CTNNA3: variants seen among roughly 807,000 people sequenced by gnomAD.
CTNNA3 encodes the protein catenin alpha 3, also known as catenin alpha-3.
CTNNA3 carries 76 observed loss-of-function variants against 95.7 expected under a neutral mutation model. The ratio of observed to expected loss-of-function variants is 0.79; its 90% CI spans 0.66 to 0.96. CTNNA3 has a LOEUF of 0.96. CTNNA3 is among the 40% of genes least tolerant of loss of function. CTNNA3 has a pLI of 0.00. For synonymous variants in CTNNA3, 431 were observed against 374.4 expected (o/e 1.15, Z -1.74); for missense variants, 1,191 against 1,089.8 (o/e 1.09, Z -1.31).
chr10:66,064,218 C>T (rs1321707542), intron 15 of CTNNA3, among the ~76,000 whole-genome samples: 6 of 152,086 alleles, frequency 3.9e-5, no homozygotes, highest in Non-Finnish European at 7.4e-5. Flanking sequence ...CCTGATAACT[C>T]GCTCACTATC....
At chr10:66,657,659 G>A (rs933826366) in intron 9 of CTNNA3, among the ~76,000 whole-genome samples, 12 of 152,226 alleles carry the variant, frequency 7.9e-5, no homozygotes, top group African/African-American at 2.6e-4. Flanking sequence ...GTAAACTACT[G>A]CATGTCTGCT....
chr10:66,273,044 C>T (rs1301809759), intron 13 of CTNNA3, among the ~76,000 whole-genome samples: 1 of 152,122 alleles, frequency 6.6e-6, no homozygotes. Context: ...TCTTTACAAC[C>T]CTACAGATAG....
chr10:66,733,253 CTCTT>C (rs1849021274), intron 9 of CTNNA3, among the ~76,000 whole-genome samples: 1 of 152,044 alleles, frequency 6.6e-6, no homozygotes, highest in South Asian at 2.1e-4. Flanking sequence ...CGAATTTCAT[CTCTT>C]TAACTCTCTT....
chr10:66,275,552 G>A (rs1421863715), intron 13 of CTNNA3, among the ~76,000 whole-genome samples: 1 of 152,192 alleles, frequency 6.6e-6, no homozygotes, highest in East Asian at 1.9e-4. Context: ...AGAAACTGAT[G>A]ACATCATGTA....
At chr10:67,548,151 C>CATGAGAT (rs1176447044) in intron 3 of CTNNA3, among the ~76,000 whole-genome samples, 1 of 152,086 alleles carries the variant, frequency 6.6e-6, no homozygotes, top group Non-Finnish European at 1.5e-5. Flanking sequence ...GCTCAGTTCC[C>CATGAGAT]ATGAGATCTA....
chr10:66,875,590 CA>C (rs1335871750), intron 7 of CTNNA3, among the ~76,000 whole-genome samples: 6 of 151,910 alleles, frequency 3.9e-5, no homozygotes, highest in Non-Finnish European at 7.4e-5. Flanking sequence ...ATTATTGGAC[CA>C]TATGGAAGGT....
chr10:67,310,529 G>A (rs375288616), intron 5 of CTNNA3, among the ~76,000 whole-genome samples: 17 of 152,202 alleles, frequency 1.1e-4, no homozygotes, highest in South Asian at 8.3e-4. Flanking sequence ...ATATTAGTCC[G>A]TTCTCATGCT....
chr10:67,082,319 A>G (rs944881358), intron 7 of CTNNA3, among the ~76,000 whole-genome samples: 2 of 152,212 alleles, frequency 1.3e-5, no homozygotes, highest in Non-Finnish European at 1.5e-5. Flanking sequence ...CATTGAAGTC[A>G]TAAGTGCTAG....
chr10:67,338,554 G>A (rs1842072082), intron 5 of CTNNA3, among the ~76,000 whole-genome samples: 1 of 151,972 alleles, frequency 6.6e-6, no homozygotes, highest in South Asian at 2.1e-4. Context: ...TAAAGCCCAG[G>A]AGAGAAAATA....
At chr10:67,670,828 C>T (rs77621030) in intron 1 of CTNNA3, among the ~76,000 whole-genome samples, 1,949 of 152,164 alleles carry the variant, frequency 0.013, 45 homozygotes, top group African/African-American at 0.044. Flanking sequence ...ATTAAACTTC[C>T]GTAACTTTTT....
chr10:66,785,014 T>C (rs1019942086), intron 7 of CTNNA3, among the ~76,000 whole-genome samples: 3 of 152,194 alleles, frequency 2.0e-5, no homozygotes, highest in African/African-American at 7.2e-5. Flanking sequence ...AATTCCAACA[T>C]TTGAGCATTT....
chr10:66,330,272 C>A (rs150042887), intron 12 of CTNNA3, among the ~76,000 whole-genome samples: 3,112 of 151,284 alleles, frequency 0.021, 101 homozygotes, highest in African/African-American at 0.067. Flanking sequence ...TCCTGTGTCC[C>A]TGTGTTCTCA....
intron 2 of CTNNA3, among the ~76,000 whole-genome samples, chr10:67,640,432 A>G (rs1348228732): frequency 1.3e-5 from 2 of 152,220 alleles, no homozygotes; most frequent in Non-Finnish European, 2.9e-5. Flanking sequence ...ATACTGCCCA[A>G]GGTAATTTAT....
chr10:67,624,141 C>A (rs1843943408), intron 2 of CTNNA3, among the ~76,000 whole-genome samples: 1 of 152,104 alleles, frequency 6.6e-6, no homozygotes, highest in African/African-American at 2.4e-5. Context: ...AAATTAAACA[C>A]CCCTGGGGAC....
In CTNNA3 at chr10:67,647,538, G is replaced by T; in HGVS notation, c.-5-20C>A. On this transcript the variant is annotated intron_variant, in intron 1 of 17. Coordinates refer to ENST00000433211, the MANE Select transcript of CTNNA3 (RefSeq NM_013266.4). ...TGCTGCCTGTGCACAAACACAAAAG[G>T]ATGCTTATTAATAAAGAAAACTGTT... 6.3e-7 allele frequency: 1 copy of T among 1,590,856 alleles called. No individual in the cohort carries two copies. Among genetic ancestry groups the T allele is most frequent in the Non-Finnish European group, 8.6e-7 (1 of 1,161,620 alleles).
chr10:67,156,583 T>A (rs754073275), intron 7 of CTNNA3, among the ~76,000 whole-genome samples: 12 of 152,120 alleles, frequency 7.9e-5, no homozygotes, highest in Non-Finnish European at 1.3e-4. Flanking sequence ...TTGTGAATTT[T>A]CCAGTTTTTC....
intron 7 of CTNNA3, among the ~76,000 whole-genome samples, chr10:67,084,503 C>G (rs1733632362): frequency 6.7e-6 from 1 of 149,388 alleles, no homozygotes; most frequent in African/African-American, 2.5e-5. Context: ...ATTTCATTCA[C>G]AGCAGAACAC....
intron 2 of CTNNA3, among the ~76,000 whole-genome samples, chr10:67,633,860 T>A (rs1382933179): frequency 1.3e-5 from 2 of 152,010 alleles, no homozygotes; most frequent in Admixed American, 1.3e-4. Context: ...CTGATTGGAG[T>A]ACCTGAAAGA....
At chr10:67,481,537 C>T (rs1450941358) in intron 5 of CTNNA3, among the ~76,000 whole-genome samples, 2 of 152,022 alleles carry the variant, frequency 1.3e-5, no homozygotes, top group South Asian at 4.1e-4. Context: ...AACTGCCCCA[C>T]CCCACCAAAA....
Sources: gnomAD v4.1 joint callset for allele counts (sites outside exome capture counted in the v4.1 genomes callset) on GRCh38, gnomAD v4.1.1 for gene constraint, MANE v1.5 for transcripts, NCBI Gene and HGNC (gene_info 2026-07-23, HGNC 2026-07-21) for gene names.